CNKSR2: variants seen among roughly 807,000 people sequenced by gnomAD.
CNKSR2 encodes connector enhancer of kinase suppressor of Ras 2, also known as CNK homolog protein 2.
CNKSR2 carries 14 observed loss-of-function variants against 84.4 expected under a neutral mutation model. The observed-to-expected ratio is 0.17, with a 90% CI of 0.11 to 0.26. CNKSR2 has a LOEUF of 0.26. CNKSR2 is among the 10% of genes least tolerant of loss of function. The pLI is 1.00. For synonymous variants in CNKSR2, 275 were observed against 277.9 expected (o/e 0.99, Z 0.10); for missense variants, 485 against 771.2 (o/e 0.63, Z 4.40).
chrX:21,469,087 A>G (rs1480637426), intron 4 of CNKSR2, among the ~76,000 whole-genome samples: 1 of 112,172 alleles, frequency 8.9e-6, no homozygotes, highest in Non-Finnish European at 1.9e-5. Flanking sequence ...ATTATCCACT[A>G]CTAGAGTATA....
chrX:21,487,211 G>C (rs774982090), intron 5 of CNKSR2, among the ~76,000 whole-genome samples: 11 of 111,620 alleles, frequency 9.9e-5, no homozygotes, highest in Admixed American at 4.8e-4. Context: ...TACTCAAGAG[G>C]AATCTGAGAA....
intron 3 of CNKSR2, among the ~76,000 whole-genome samples, chrX:21,438,225 C>T (rs1014198508): frequency 8.9e-6 from 1 of 111,771 alleles, no homozygotes; most frequent in African/African-American, 3.3e-5. Context: ...GAAACCTGTA[C>T]AGCATGTGAC....
intron 3 of CNKSR2, among the ~76,000 whole-genome samples, chrX:21,437,417 T>C (rs2147077924): frequency 9.5e-6 from 1 of 105,582 alleles, no homozygotes; most frequent in African/African-American, 3.5e-5. Context: ...GGTCTCTATG[T>C]AGTTTTTTTT....
At chrX:21,405,464 A>T (rs2090251299) in intron 1 of CNKSR2, among the ~76,000 whole-genome samples, 1 of 111,421 alleles carries the variant, frequency 9.0e-6, no homozygotes, top group Non-Finnish European at 1.9e-5. Context: ...TTTGCTGAGT[A>T]TGGGGAAGTT....
intron 16 of CNKSR2, 47 bp downstream of exon 16, chrX:21,595,094 A>G: frequency 2.1e-6 from 2 of 931,504 alleles, no homozygotes; most frequent in Non-Finnish European, 3.0e-6. Flanking sequence ...TTTTTTTTTT[A>G]ATTTCCAGCT....
chrX:21,538,551 C>T (rs182170750), intron 11 of CNKSR2: 1 of 111,474 alleles, frequency 9.0e-6, no homozygotes, highest in East Asian at 2.8e-4. Flanking sequence ...TCCAGAGGGA[C>T]AGAACTAATA....
At chrX:21,427,007 A>G (rs2090574181) in intron 2 of CNKSR2, 1 of 197,082 alleles carries the variant, frequency 5.1e-6, no homozygotes, top group East Asian at 1.6e-4. Flanking sequence ...TGACAGTGTT[A>G]CATACATACA....
intron 1 of CNKSR2, among the ~76,000 whole-genome samples, chrX:21,398,523 CTG>C (rs942337051): frequency 3.6e-5 from 4 of 111,670 alleles, no homozygotes; most frequent in Non-Finnish European, 7.5e-5. Flanking sequence ...TGAAAGTGAA[CTG>C]TGTCATTATG....
At chrX:21,569,156 C>T (rs1384855909) in intron 13 of CNKSR2, among the ~76,000 whole-genome samples, 1 of 111,501 alleles carries the variant, frequency 9.0e-6, no homozygotes, top group Non-Finnish European at 1.9e-5. Context: ...ATGTACATAA[C>T]TTAATTAGGA....
chrX:21,398,296 C>T (rs756835706), intron 1 of CNKSR2, among the ~76,000 whole-genome samples: 15 of 111,693 alleles, frequency 1.3e-4, no homozygotes, highest in Middle Eastern at 4.7e-3. Context: ...ATATAGGTCT[C>T]TTGTACTATG....
At chrX:21,435,481 T>A (rs1404135396) in intron 3 of CNKSR2, among the ~76,000 whole-genome samples, 3 of 111,741 alleles carry the variant, frequency 2.7e-5, no homozygotes, top group African/African-American at 9.7e-5. Context: ...TTACATTTCC[T>A]AAATAAGATA....
chrX:21,641,548 G>A (rs1386690980), intron 20 of CNKSR2: 4 of 1,176,660 alleles, frequency 3.4e-6, no homozygotes, highest in Non-Finnish European at 3.4e-6. Flanking sequence ...TACACTGCGA[G>A]AGTTGGTAGA....
At chrX:21,438,824 T>C (rs1223644251) in intron 3 of CNKSR2, among the ~76,000 whole-genome samples, 2 of 111,381 alleles carry the variant, frequency 1.8e-5, no homozygotes, top group East Asian at 2.8e-4. Flanking sequence ...AATATTCATA[T>C]TGATAAAAAA....
rs749215956 is a variant in CNKSR2 at position 21,452,077 on chromosome X, T to C, written c.519+11296T>C. Among the ~76,000 whole-genome samples, 340 of 111,323 alleles carry C rather than the reference T, an allele frequency of 3.1e-3. 1 individual carries two copies. The highest frequency in any genetic ancestry group is 0.01 in the African/African-American group (311 of 30,602). On this transcript the variant is annotated intron_variant, in intron 4 of 21. Transcript: ENST00000379510. ...TTACAGTCTCAATCTAATGAATGAATGAATGAATGCATGAATTTATTTATT... is the reference window on the plus strand; with the variant it reads ...TTACAGTCTCAATCTAATGAATGAACGAATGAATGCATGAATTTATTTATT...
chrX:21,553,534 CAA>C (rs1172014567), intron 11 of CNKSR2, among the ~76,000 whole-genome samples: 1 of 88,448 alleles, frequency 1.1e-5, no homozygotes, highest in Non-Finnish European at 2.3e-5. Context: ...GTTTCCATTA[CAA>C]AAAAAAAAAA....
At chrX:21,605,326 A>G (rs1400194287) in intron 18 of CNKSR2, among the ~76,000 whole-genome samples, 4 of 112,660 alleles carry the variant, frequency 3.6e-5, no homozygotes, top group African/African-American at 1.3e-4. Flanking sequence ...GAAAAAAAAC[A>G]GATATCAAAT....
chrX:21,457,104 A>G (rs958485216), intron 4 of CNKSR2, among the ~76,000 whole-genome samples: 1 of 111,096 alleles, frequency 9.0e-6, no homozygotes, highest in Non-Finnish European at 1.9e-5. Context: ...GGTTCCTTAC[A>G]TATTTTGGAT....
At chrX:21,568,042 C>T (rs924143304) in intron 13 of CNKSR2, among the ~76,000 whole-genome samples, 10 of 111,928 alleles carry the variant, frequency 8.9e-5, no homozygotes, top group African/African-American at 2.9e-4. Context: ...AATCCCAGCA[C>T]TTTGGGAGGC....
intron 17 of CNKSR2, among the ~76,000 whole-genome samples, chrX:21,597,274 C>G (rs1156694874): frequency 1.8e-5 from 2 of 111,615 alleles, no homozygotes; most frequent in Admixed American, 9.6e-5. Context: ...TGTCACTGCT[C>G]TTTCCTAATA....
Sources: gnomAD v4.1 joint callset for allele counts (sites outside exome capture counted in the v4.1 genomes callset) on GRCh38, gnomAD v4.1.1 for gene constraint, MANE v1.5 for transcripts, NCBI Gene and HGNC (gene_info 2026-07-23, HGNC 2026-07-21) for gene names.